The following EPHA8 variants were observed in gnomAD, a reference collection of about 807,000 sequenced individuals.
EPHA8 encodes the protein EPH receptor A8.
Under a neutral mutation model 103.6 loss-of-function variants are expected in EPHA8, and 58 were observed. The observed-to-expected ratio is 0.56, with a 90% CI of 0.45 to 0.70. The LOEUF is 0.70. Among genes scored for constraint, EPHA8 ranks in the 30% least tolerant of loss-of-function variants. The probability of loss-of-function intolerance (pLI) is 0.00; values close to 1 mark genes in which losing one functional copy is unlikely to be tolerated. For synonymous variants in EPHA8, 559 were observed against 572.5 expected (o/e 0.98, Z 0.34); for missense variants, 1,304 against 1,395.2 (o/e 0.93, Z 1.04).
At position 22,598,303 on chromosome 1, in the gene EPHA8, T is replaced by G. The variant is rs1641580931; in HGVS notation, c.2178+91T>G. The stretch of plus-strand genomic sequence containing the variant: ...ATAGTGCAAAGCCCTCTAAGCCCCC[T>G]CCCTGGCTTGGACACCACAGGCCGG... On this transcript the variant is annotated intron_variant, in intron 12 of 16. Transcript: ENST00000166244. The surrounding 1 kb of genome is among the most constrained non-coding windows in gnomAD (Gnocchi z 5.1). 1 of 1,337,824 alleles carries G rather than the reference T, an allele frequency of 7.5e-7. No individual in the cohort carries two copies. Among genetic ancestry groups the G allele is most frequent in the Non-Finnish European group, 1.0e-6 (1 of 958,816 alleles). The allele number at this position is 1,337,824 out of a possible 1,614,324, so 82.9% of individuals were successfully genotyped here. A position where few individuals can be genotyped will look rare whatever the true frequency, so the allele number is the denominator to read the frequency against.
rs1051912328 is a variant in EPHA8 at position 22,602,632 on chromosome 1, G to A, written c.*891G>A. ...CTAGCCTCTGATGCCTTCCCTCCAC[G>A]GCCCAGGTCTCCTCACTCAAAGTCC... On this transcript the variant is annotated 3_prime_UTR_variant, in exon 17 of 17. Coordinates refer to ENST00000166244, the MANE Select transcript of EPHA8 (RefSeq NM_020526.5). 6.5e-6 allele frequency: 1 copy of A among 152,984 alleles called. No individual in the cohort carries two copies. The highest frequency in any genetic ancestry group is 2.4e-5 in the African/African-American group (1 of 41,574). 9.5% of individuals were successfully genotyped at this position (152,984 alleles called of 1,614,324 possible). A position where few individuals can be genotyped will look rare whatever the true frequency, so the allele number is the denominator to read the frequency against.
intron 5 of EPHA8, among the ~76,000 whole-genome samples, chr1:22,593,028 C>T (rs1001018131): frequency 6.6e-6 from 1 of 152,212 alleles, no homozygotes; most frequent in African/African-American, 2.4e-5. Context: ...CACTCCCAAG[C>T]AGCTGGTCCA....
intron 7 of EPHA8, 111 bp from the exon 8 acceptor site, chr1:22,595,119 C>A: frequency 1.2e-6 from 1 of 817,684 alleles, no homozygotes; most frequent in Non-Finnish European, 1.9e-6. Flanking sequence ...TGGCTCTGGG[C>A]TCCCCACTGG....
chr1:22,597,299 T>C lies in EPHA8; in HGVS notation c.1766-13T>C, dbSNP rs1404577196. 16 of 1,078,184 alleles carry C rather than the reference T, an allele frequency of 1.5e-5. No homozygotes were observed. Among genetic ancestry groups the C allele is most frequent in the Admixed American group, 5.7e-5 (3 of 52,582 alleles). 66.8% of individuals were successfully genotyped at this position (1,078,184 alleles called of 1,614,324 possible). On this transcript the variant is annotated splice_polypyrimidine_tract_variant and intron_variant, in intron 9 of 16. Transcript: ENST00000166244. The surrounding 1 kb of genome is among the most constrained non-coding windows in gnomAD (Gnocchi z 4.6). The stretch of plus-strand genomic sequence containing the variant: ...TCCTGGGCCCCACTGAAGGCCCTCC[T>C]CCCGCCCCTCAGCACCCCCACCTGT...
At chr1:22,585,888 G>T (rs1311174456) in intron 3 of EPHA8, among the ~76,000 whole-genome samples, 1 of 152,194 alleles carries the variant, frequency 6.6e-6, no homozygotes, top group Non-Finnish European at 1.5e-5. Context: ...GCTGTCTGTG[G>T]TGGGGCCAGG....
At chr1:22,601,523 G>C (rs772004009) in intron 16 of EPHA8, 50 bp downstream of exon 16, 2 of 1,602,466 alleles carry the variant, frequency 1.2e-6, no homozygotes, top group East Asian at 4.5e-5. Context: ...GCAGGGGGGG[G>C]GACCCCTGCC....
chr1:22,579,792 T>G (rs1237261701), intron 3 of EPHA8, among the ~76,000 whole-genome samples: 1 of 152,168 alleles, frequency 6.6e-6, no homozygotes, highest in African/African-American at 2.4e-5. Context: ...TGTCCCCAGA[T>G]ACCCTTAGTG....
At chr1:22,581,211 C>T (rs1460742506) in intron 3 of EPHA8, among the ~76,000 whole-genome samples, 1 of 152,188 alleles carries the variant, frequency 6.6e-6, no homozygotes, top group Non-Finnish European at 1.5e-5. Context: ...TCAATTGCTT[C>T]CTCTGTGCAC....
At chr1:22,582,998 G>C (rs902348881) in intron 3 of EPHA8, among the ~76,000 whole-genome samples, 2 of 152,222 alleles carry the variant, frequency 1.3e-5, no homozygotes, top group Admixed American at 6.5e-5. Flanking sequence ...AATTTCCTTT[G>C]GTTGTCCACC....
chr1:22,599,181 C>A (rs1405423441), intron 13 of EPHA8, 134 bp downstream of exon 13: 2 of 867,310 alleles, frequency 2.3e-6, no homozygotes, highest in East Asian at 2.7e-5. Flanking sequence ...TGGGGCACAT[C>A]CTGTTTCTCC....
intron 5 of EPHA8, 83 bp from the exon 6 acceptor site, chr1:22,593,243 C>A: frequency 6.7e-7 from 1 of 1,497,312 alleles, no homozygotes; most frequent in Admixed American, 2.0e-5. Context: ...GAACCAGGAT[C>A]CCCAGGTGGA....
chr1:22,601,510 G>C (rs1641730983), intron 16 of EPHA8, 37 bp downstream of exon 16: 6 of 1,604,838 alleles, frequency 3.7e-6, no homozygotes, highest in Non-Finnish European at 5.1e-6. Context: ...CATGCGTGTG[G>C]GGGCAGGGGG....
Position 22,596,089 on chromosome 1 carries a change from G to A in EPHA8, c.1698-17G>A, listed in dbSNP as rs772970816. Reference sequence around the variant, plus strand: ...GGGGTGGCCTGGCCTCAGGCAGGGCGGTGCCCTCCTCTGCAGGCACTGTGG... The same window carrying A: ...GGGGTGGCCTGGCCTCAGGCAGGGCAGTGCCCTCCTCTGCAGGCACTGTGG... On this transcript the variant is annotated splice_polypyrimidine_tract_variant and intron_variant, in intron 8 of 16. Transcript: ENST00000166244. 1.9e-5 allele frequency: 31 copies of A among 1,612,678 alleles called. No individual in the cohort carries two copies. The South Asian group carries it at 2.5e-4, about 13-fold the overall frequency.
In EPHA8 at chr1:22,598,799, GC is replaced by G; in HGVS notation, c.2179-37del. 1 of 1,596,462 alleles carries G rather than the reference GC, an allele frequency of 6.3e-7. No individual in the cohort carries two copies. The highest frequency in any genetic ancestry group is 8.6e-7 in the Non-Finnish European group (1 of 1,168,840). On this transcript the variant is annotated intron_variant, in intron 12 of 16. Transcript: ENST00000166244. This position sits in a 1 kb window ranked among gnomAD's most constrained non-coding sequence, Gnocchi z 5.1. ...TTCCTGTTCACGGACCAGGCGCCTC[GC>G]CGGGCTTTCCTGAAGTCCAAGCCAT...
chr1:22,589,323 C>T lies in EPHA8; in HGVS notation c.1315+117C>T, dbSNP rs187066665. ...GCTGTGGGCCTTTAGGCAAGTGCCT[C>T]TCTGGCCCTGCGCTCCTCACCAGGA... On this transcript the variant is annotated intron_variant, in intron 5 of 16. Transcript: ENST00000166244. The surrounding 1 kb of genome is among the most constrained non-coding windows in gnomAD (Gnocchi z 4.3). The T allele has an allele frequency of 1.7e-4, 271 of 1,609,742 alleles. No individual in the cohort carries two copies. Among genetic ancestry groups the T allele is most frequent in the Middle Eastern group, 6.6e-4 (4 of 6,048 alleles).
At chr1:22,591,004 C>T (rs1641357368) in intron 5 of EPHA8, among the ~76,000 whole-genome samples, 1 of 151,924 alleles carries the variant, frequency 6.6e-6, no homozygotes, top group Non-Finnish European at 1.5e-5. Context: ...GACTTCCACC[C>T]CCCACGAGTC....
At chr1:22,572,545 C>T (rs1394428303) in intron 2 of EPHA8, among the ~76,000 whole-genome samples, 2 of 152,240 alleles carry the variant, frequency 1.3e-5, no homozygotes, top group Non-Finnish European at 2.9e-5. Context: ...CCTGCTCTGG[C>T]TAATTAACAT....
At position 22,576,762 on chromosome 1, in the gene EPHA8, G is replaced by T. The variant is rs1257982852; in HGVS notation, c.705G>T (p.Arg235=). 1 of 1,613,658 alleles carries T rather than the reference G, an allele frequency of 6.2e-7. No homozygotes were observed. Among genetic ancestry groups the T allele is most frequent in the Non-Finnish European group, 8.5e-7 (1 of 1,180,046 alleles). The part of the protein sequence containing the change: ...SLVEVRGQCV[R]HSEERDTPKM... ...TGGAGGTGAGGGGCCAGTGCGTGCG[G>T]CACTCAGAGGAGCGGGACACACCCA... Residue 235 remains arginine, a synonymous_variant, in exon 3 of 17, where the codon CGG becomes CGT. Transcript: ENST00000166244. This position sits in a 1 kb window ranked among gnomAD's most constrained non-coding sequence, Gnocchi z 4.8.
In EPHA8 at chr1:22,596,152, A is replaced by C; in HGVS notation, c.1744A>C (p.Met582Leu). The change falls in exon 9 of 17, where the codon ATG (methionine) becomes CTG (leucine). Residue 582 changes from methionine (M) to leucine (L), a missense_variant. Coordinates refer to ENST00000166244, the MANE Select transcript of EPHA8 (RefSeq NM_020526.5). ...CTTCCAGGACTCGGACGAGGAGAAG[A>C]TGCACTATCAGAATGGACAGGGTGA... ...KAFQDSDEEK[M>L]HYQNGQAPPP... is the part of the protein sequence containing the mutation. The C allele has an allele frequency of 6.2e-7, 1 of 1,613,950 alleles. No homozygotes were observed. The highest frequency in any genetic ancestry group is 8.5e-7 in the Non-Finnish European group (1 of 1,179,970).
Sources: allele counts gnomAD v4.1 joint callset (sites outside exome capture counted in the v4.1 genomes callset), GRCh38; gene constraint gnomAD v4.1.1; non-coding constraint Gnocchi (gnomAD v3.1); transcripts MANE v1.5; gene names NCBI Gene and HGNC (gene_info 2026-07-23, HGNC 2026-07-21).